Variants in DDAH1 observed in about 807,000 individuals in gnomAD.
The protein encoded by DDAH1 is dimethylarginine dimethylaminohydrolase 1.
Under a neutral mutation model 28.8 loss-of-function variants are expected in DDAH1, and 19 were observed. That is an observed-to-expected ratio of 0.66 (90% CI 0.46 to 0.97). The LOEUF is 0.97. Among genes scored for constraint, DDAH1 ranks in the 50% least tolerant of loss-of-function variants. The probability of loss-of-function intolerance (pLI) is 0.00; values close to 1 mark genes in which losing one functional copy is unlikely to be tolerated. For missense variants in DDAH1, 326 were observed against 375.9 expected, an observed-to-expected ratio of 0.87 and a Z score of 1.10; for synonymous variants, 153 against 154.4, an observed-to-expected ratio of 0.99 and a Z score of 0.07.
In DDAH1 at chr1:85,411,786, C is replaced by T. The variant is rs114210705; in HGVS notation, c.304-52939G>A. 2.3e-3 allele frequency among the ~76,000 whole-genome samples: 343 copies of T among 152,266 alleles called. 1 individual carries two copies. Among genetic ancestry groups the T allele is most frequent in the African/African-American group, 8.0e-3 (331 of 41,538 alleles). ...ATGGGGACTGCTGCTGCTGCAGATT[C>T]CTTAGAAGTATTCTGATCATGCTGG... is the stretch of plus-strand genomic sequence containing the variant. On this transcript the variant is annotated intron_variant, in intron 1 of 5. Transcript: ENST00000284031.
At chr1:85,530,983 T>C (rs1658071463) in intron 1 of DDAH1, among the ~76,000 whole-genome samples, 1 of 99,842 alleles carries the variant, frequency 1.0e-5, no homozygotes, top group Non-Finnish European at 1.9e-5. Flanking sequence ...AGAGTGAGAC[T>C]CTGTCTCAAA....
At chr1:85,490,612 T>C (rs1656360777) in intron 2 of DDAH1, among the ~76,000 whole-genome samples, 1 of 152,220 alleles carries the variant, frequency 6.6e-6, no homozygotes, top group South Asian at 2.1e-4. Flanking sequence ...TCTGTTAAAA[T>C]AATGCTTTCC....
intron 4 of DDAH1, among the ~76,000 whole-genome samples, chr1:85,340,738 C>A (rs1289184460): frequency 6.6e-6 from 1 of 152,080 alleles, no homozygotes; most frequent in Non-Finnish European, 1.5e-5. Flanking sequence ...TGAAAAAACA[C>A]CTTCAGCTTC....
intron 1 of DDAH1, among the ~76,000 whole-genome samples, chr1:85,577,790 A>C (rs1659655070): frequency 6.6e-6 from 1 of 152,108 alleles, no homozygotes; most frequent in Non-Finnish European, 1.5e-5. Flanking sequence ...GCAGCGGTTG[A>C]GAGACGTCCC....
Position 85,464,039 on chromosome 1 carries a change from T to C in DDAH1, c.303+704A>G, listed in dbSNP as rs1487273031. On this transcript the variant is annotated intron_variant, in intron 1 of 5. Coordinates refer to ENST00000284031, the MANE Select transcript of DDAH1 (RefSeq NM_012137.4). The surrounding 1 kb of genome is among the most constrained non-coding windows in gnomAD (Gnocchi z 4.4). ...AATATAGAGAATAAAAATTATGGAA[T>C]TTGTGAAACAACCATCTCTAATTAA... Among the ~76,000 whole-genome samples the C allele has an allele frequency of 1.3e-5, 2 of 152,232 alleles. No individual in the cohort carries two copies. The highest frequency in any genetic ancestry group is 2.9e-5 in the Non-Finnish European group (2 of 68,038).
intron 1 of DDAH1, among the ~76,000 whole-genome samples, chr1:85,508,757 C>A (rs1271259246): frequency 2.6e-5 from 4 of 152,242 alleles, no homozygotes; most frequent in African/African-American, 9.6e-5. Context: ...AGGCGGCAGC[C>A]TGGCTGATGG....
chr1:85,463,290 G>A (rs1655206011), intron 1 of DDAH1, among the ~76,000 whole-genome samples: 2 of 152,342 alleles, frequency 1.3e-5, no homozygotes, highest in East Asian at 1.9e-4. Context: ...AATGAAATGG[G>A]TGAATAAATA....
At chr1:85,559,557 G>A (rs779508760) in intron 1 of DDAH1, among the ~76,000 whole-genome samples, 50 of 151,846 alleles carry the variant, frequency 3.3e-4, no homozygotes, top group South Asian at 2.5e-3. Flanking sequence ...GAAATTAGAA[G>A]GTAATACCAT....
At chr1:85,448,692 T>C (rs1299371912) in intron 1 of DDAH1, among the ~76,000 whole-genome samples, 2 of 152,170 alleles carry the variant, frequency 1.3e-5, no homozygotes, top group Non-Finnish European at 2.9e-5. Context: ...CTACATAATA[T>C]GGAATTACAA....
intron 1 of DDAH1, among the ~76,000 whole-genome samples, chr1:85,517,964 G>A (rs971462689): frequency 1.3e-5 from 2 of 152,090 alleles, no homozygotes; most frequent in Non-Finnish European, 2.9e-5. Context: ...ACAGCCTATC[G>A]TTCAAAATTA....
intron 1 of DDAH1, among the ~76,000 whole-genome samples, chr1:85,521,062 G>T (rs1425872906): frequency 3.1e-4 from 47 of 152,320 alleles, no homozygotes; most frequent in African/African-American, 1.1e-3. Flanking sequence ...TTATTTAATA[G>T]ATCGACACAG....
At chr1:85,474,965 G>C (rs1015229845) in intron 2 of DDAH1, among the ~76,000 whole-genome samples, 1 of 152,072 alleles carries the variant, frequency 6.6e-6, no homozygotes, top group Non-Finnish European at 1.5e-5. Context: ...ACCTTTCTGA[G>C]CATAAGACCC....
intron 1 of DDAH1, among the ~76,000 whole-genome samples, chr1:85,459,580 C>T (rs1220320713): frequency 1.3e-5 from 2 of 152,322 alleles, no homozygotes; most frequent in Admixed American, 6.5e-5. Context: ...AACTGTTAAT[C>T]TGCTGCCATG....
At chr1:85,496,184 G>T in exon 2 of DDAH1, 3 of 979,504 alleles carry the variant, frequency 3.1e-6, no homozygotes, top group Non-Finnish European at 3.6e-6. Flanking sequence ...AATTTAGAAG[G>T]TCTTTCTTGA....
At chr1:85,454,668 C>T (rs567501046) in intron 1 of DDAH1, among the ~76,000 whole-genome samples, 4 of 152,250 alleles carry the variant, frequency 2.6e-5, no homozygotes, top group South Asian at 4.1e-4. Context: ...ACCCTTATGA[C>T]GCTATGTTGC....
Position 85,324,901 on chromosome 1 carries a change from G to T in DDAH1, c.598-18C>A. On this transcript the variant is annotated intron_variant, in intron 4 of 5. Coordinates refer to ENST00000284031, the MANE Select transcript of DDAH1 (RefSeq NM_012137.4). The stretch of plus-strand genomic sequence containing the variant: ...TGCATGATCTATAAAGAGAAACAAA[G>T]CAGGCCTAAGAAGAGTAACTCCCCA... The T allele has an allele frequency of 6.2e-7, 1 of 1,613,266 alleles. No homozygotes were observed. The highest frequency in any genetic ancestry group is 8.5e-7 in the Non-Finnish European group (1 of 1,179,672).
chr1:85,414,796 A>G (rs1652814389), intron 1 of DDAH1, among the ~76,000 whole-genome samples: 1 of 152,098 alleles, frequency 6.6e-6, no homozygotes, highest in Non-Finnish European at 1.5e-5. Flanking sequence ...TGCCTGGCAG[A>G]TGGGATGTAC....
chr1:85,444,456 A>G (rs981883934), intron 1 of DDAH1, among the ~76,000 whole-genome samples: 4 of 152,160 alleles, frequency 2.6e-5, no homozygotes, highest in African/African-American at 9.7e-5. Flanking sequence ...ATGTTCATCC[A>G]GGATATTGGT....
chr1:85,400,982 A>C (rs562222980), intron 1 of DDAH1, among the ~76,000 whole-genome samples: 48 of 152,302 alleles, frequency 3.2e-4, no homozygotes, highest in African/African-American at 1.1e-3. Flanking sequence ...GTAAGCAGAG[A>C]GATATGATCC....
Sources: gnomAD v4.1 joint callset for allele counts (sites outside exome capture counted in the v4.1 genomes callset) on GRCh38, gnomAD v4.1.1 for gene constraint, Gnocchi (gnomAD v3.1) non-coding constraint, MANE v1.5 for transcripts, NCBI Gene and HGNC (gene_info 2026-07-23, HGNC 2026-07-21) for gene names.